ACAD11: variants seen among roughly 807,000 people sequenced by gnomAD.
ACAD11 encodes the protein acyl-CoA dehydrogenase family member 11.
Under a neutral mutation model 102.2 loss-of-function variants are expected in ACAD11, and 83 were observed. The observed-to-expected ratio is 0.81, with a 90% CI of 0.68 to 0.97. The LOEUF (loss-of-function observed/expected upper bound fraction) is 0.97. Ranked by LOEUF, ACAD11 falls within the 50% of genes least tolerant of loss-of-function variation. The probability of loss-of-function intolerance (pLI) is 0.00; values close to 1 mark genes in which losing one functional copy is unlikely to be tolerated. For missense variants in ACAD11, 901 were observed against 951.7 expected, an observed-to-expected ratio of 0.95 and a Z score of 0.70; for synonymous variants, 324 against 319.8, an observed-to-expected ratio of 1.01 and a Z score of -0.14.
chr3:132,612,127 G>C (rs1019530513), intron 11 of ACAD11, among the ~76,000 whole-genome samples: 2 of 151,976 alleles, frequency 1.3e-5, no homozygotes, highest in South Asian at 4.1e-4. Flanking sequence ...AATGGGGAAA[G>C]GATTCCCTAT....
At chr3:132,579,625 G>T (rs1461846778) in intron 13 of ACAD11, 67 bp from the exon 14 acceptor site, 1 of 1,278,062 alleles carries the variant, frequency 7.8e-7, no homozygotes, top group Non-Finnish European at 1.1e-6. Flanking sequence ...CACCTTGAAG[G>T]TTCTAATCCT....
Position 132,579,526 on chromosome 3 carries a change from C to CA in ACAD11, c.1653dup (p.Val552CysfsTer42). 1 of 1,613,040 alleles carries CA rather than the reference C, an allele frequency of 6.2e-7. No homozygotes were observed. On this transcript the variant is annotated frameshift_variant, in exon 14 of 20. Transcript: ENST00000264990. LOFTEE classifies it high-confidence loss of function. The stretch of plus-strand genomic sequence containing the variant: ...GAAGTATTTTGAGTTCTTCCCAAAA[C>CA]AATTGCAATTTTGCACTTGGGATTC...
In ACAD11 at chr3:132,626,766, T is replaced by C; in HGVS notation, c.1122A>G (p.Val374=). The C allele has an allele frequency of 6.2e-7, 1 of 1,613,832 alleles. No homozygotes were observed. The highest frequency in any genetic ancestry group is 8.5e-7 in the Non-Finnish European group (1 of 1,179,922). ...PQIDTTGQLF[V]QTRKGQEVLI... ...GAACTTCCTGACCTTTCCGAGTCTG[T>C]ACAAACAACTGTCCAGTAGTATCAA... is the stretch of plus-strand genomic sequence containing the variant. The change falls in exon 9 of 20, where the codon GTA becomes GTG. Residue 374 remains valine, a synonymous_variant. Transcript: ENST00000264990.
intron 13 of ACAD11, among the ~76,000 whole-genome samples, chr3:132,582,808 A>G (rs1423226156): frequency 6.6e-6 from 1 of 152,112 alleles, no homozygotes. Context: ...GACACCTTAA[A>G]CCGACTTAGA....
chr3:132,641,857 T>C (rs774532356), intron 4 of ACAD11, 115 bp downstream of exon 4: 29 of 977,670 alleles, frequency 3.0e-5, no homozygotes, highest in Non-Finnish European at 4.2e-5. Flanking sequence ...AGGACAATGT[T>C]AAAAGTCATG....
chr3:132,656,665 C>T (rs1026924089), intron 1 of ACAD11, among the ~76,000 whole-genome samples: 2 of 151,700 alleles, frequency 1.3e-5, no homozygotes, highest in Non-Finnish European at 2.9e-5. Context: ...CAGCTAATTT[C>T]GTATTTTTAG....
chr3:132,586,072 C>A (rs1446140988), intron 13 of ACAD11, among the ~76,000 whole-genome samples: 3 of 152,098 alleles, frequency 2.0e-5, no homozygotes, highest in African/African-American at 7.2e-5. Context: ...TTCACAATAG[C>A]AAAGACTTGG....
intron 11 of ACAD11, among the ~76,000 whole-genome samples, chr3:132,617,145 C>A (rs1387783638): frequency 6.6e-6 from 1 of 152,092 alleles, no homozygotes; most frequent in East Asian, 1.9e-4. Flanking sequence ...TGGATATTGT[C>A]CCATAATCAT....
At chr3:132,629,355 T>C (rs1939944688) in intron 7 of ACAD11, among the ~76,000 whole-genome samples, 3 of 152,162 alleles carry the variant, frequency 2.0e-5, no homozygotes, top group Admixed American at 2.0e-4. Context: ...ATACGGGGTT[T>C]CACCATGTTG....
chr3:132,659,465 C>T, intron 1 of ACAD11, 138 bp downstream of exon 1: 2 of 1,241,106 alleles, frequency 1.6e-6, no homozygotes, highest in Non-Finnish European at 2.2e-6. Flanking sequence ...AATAGCAGCT[C>T]ATGCCTGTAG....
intron 17 of ACAD11, among the ~76,000 whole-genome samples, chr3:132,570,684 A>G (rs952600224): frequency 5.9e-5 from 9 of 151,956 alleles, no homozygotes; most frequent in Non-Finnish European, 1.3e-4. Flanking sequence ...CTGGTAGGCT[A>G]CCATGTCTGT....
chr3:132,564,857 G>C (rs375957775), intron 17 of ACAD11, among the ~76,000 whole-genome samples: 6 of 152,216 alleles, frequency 3.9e-5, no homozygotes, highest in African/African-American at 1.2e-4. Flanking sequence ...GACTATTTAG[G>C]GACTTCAGGT....
At chr3:132,634,548 A>G (rs959026042) in intron 5 of ACAD11, among the ~76,000 whole-genome samples, 1 of 152,082 alleles carries the variant, frequency 6.6e-6, no homozygotes, top group South Asian at 2.1e-4. Flanking sequence ...CAGCCATCCC[A>G]TTACTGGGTA....
chr3:132,561,343 C>G (rs1332986208), intron 17 of ACAD11, 126 bp from the exon 18 acceptor site: 1 of 735,928 alleles, frequency 1.4e-6, no homozygotes, highest in Non-Finnish European at 2.4e-6. Flanking sequence ...AAGCTTTACT[C>G]TATGTATTTT....
At chr3:132,621,275 G>A (rs1337389299) in intron 9 of ACAD11, 1 of 152,138 alleles carries the variant, frequency 6.6e-6, no homozygotes, top group Non-Finnish European at 1.5e-5. Flanking sequence ...CAGTAGGGCA[G>A]TGCATCAGTC....
intron 11 of ACAD11, among the ~76,000 whole-genome samples, chr3:132,615,102 A>G (rs1332643247): frequency 6.6e-6 from 1 of 152,242 alleles, no homozygotes; most frequent in Non-Finnish European, 1.5e-5. Context: ...CATTAGAGAA[A>G]CACAAATCAA....
intron 13 of ACAD11, among the ~76,000 whole-genome samples, chr3:132,587,863 C>A (rs577150780): frequency 2.0e-5 from 3 of 152,152 alleles, no homozygotes; most frequent in African/African-American, 7.2e-5. Context: ...GTTTGCCCTG[C>A]GCATTACTTT....
intron 17 of ACAD11, among the ~76,000 whole-genome samples, chr3:132,569,674 A>G (rs1228387350): frequency 6.6e-6 from 1 of 152,220 alleles, no homozygotes; most frequent in Non-Finnish European, 1.5e-5. Flanking sequence ...CACAACCTAG[A>G]TAAATCTCCG....
At chr3:132,623,381 T>C (rs1939677658) in intron 9 of ACAD11, among the ~76,000 whole-genome samples, 1 of 152,292 alleles carries the variant, frequency 6.6e-6, no homozygotes, top group Non-Finnish European at 1.5e-5. Flanking sequence ...CCTCTTTGAT[T>C]TTGAAAAAGC....
Sources: allele counts gnomAD v4.1 joint callset (sites outside exome capture counted in the v4.1 genomes callset), GRCh38; gene constraint gnomAD v4.1.1; transcripts MANE v1.5; gene names NCBI Gene and HGNC (gene_info 2026-07-23, HGNC 2026-07-21).